Variants in RIF1 observed in about 807,000 individuals in gnomAD.
The protein encoded by RIF1 is telomere-associated protein RIF1.
In RIF1, 45 loss-of-function variants were observed where a neutral mutation model predicts 247.1. The observed-to-expected ratio is 0.18, with a 90% CI of 0.14 to 0.23. RIF1 has a LOEUF of 0.23. Ranked by LOEUF, RIF1 falls within the 10% of genes least tolerant of loss-of-function variation. RIF1 has a pLI of 1.00. For missense variants in RIF1, 2,967 were observed against 2,862.5 expected (o/e 1.04, Z -0.83); for synonymous variants, 1,087 against 978.8 (o/e 1.11, Z -2.06).
chr2:151,517,644 A>G, the RIF1 span, among the ~76,000 whole-genome samples: 1 of 152,190 alleles, frequency 6.6e-6, no homozygotes, highest in Non-Finnish European at 1.5e-5. Flanking sequence ...CCTAGGCTAT[A>G]TGGTATGGCC....
intron 16 of RIF1, among the ~76,000 whole-genome samples, chr2:151,442,832 C>T (rs991702475): frequency 6.0e-5 from 8 of 132,610 alleles, no homozygotes; most frequent in East Asian, 2.4e-4. Flanking sequence ...AGTGCAGTGG[C>T]GTGATCTCGG....
In RIF1 at chr2:151,464,971, A is replaced by G; in HGVS notation, c.5451A>G (p.Lys1817=). 1.3e-6 allele frequency: 2 copies of G among 1,574,118 alleles called. No homozygotes were observed. Among genetic ancestry groups the G allele is most frequent in the East Asian group, 4.5e-5 (2 of 44,742 alleles). ...ATTCATTAATTGTTTCTGAAACCAA[A>G]TCAAAAGAAAACACTATGCAAGAAT... is the stretch of plus-strand genomic sequence containing the variant. The part of the protein sequence containing the change: ...INDSLIVSET[K]SKENTMQESL... Residue 1817 remains lysine (K), a synonymous_variant, in exon 30 of 36, where the codon AAA becomes AAG. Transcript: ENST00000444746.
the RIF1 span, among the ~76,000 whole-genome samples, chr2:151,520,909 G>A: frequency 2.6e-5 from 4 of 152,130 alleles, no homozygotes; most frequent in Admixed American, 1.3e-4. Flanking sequence ...TCAACAGAAT[G>A]GAAAGTGACA....
At chr2:151,496,313 A>T in intron 10 of RIF1, 1 of 1,612,342 alleles carries the variant, frequency 6.2e-7, no homozygotes, top group Non-Finnish European at 8.5e-7. Flanking sequence ...GACTCGCTCC[A>T]TCTCGGGAGT....
chr2:151,526,838 T>C, the RIF1 span: 11 of 1,039,580 alleles, frequency 1.1e-5, no homozygotes, highest in East Asian at 1.3e-4. Flanking sequence ...TCTCCATCCT[T>C]CCCTGGTGTC....
intron 6 of RIF1, among the ~76,000 whole-genome samples, chr2:151,419,438 G>A (rs558689675): frequency 6.6e-6 from 1 of 152,030 alleles, no homozygotes; most frequent in East Asian, 1.9e-4. Flanking sequence ...CAATTCTCCT[G>A]CCTCAGCCTC....
rs149101385 is a variant in RIF1 at position 151,443,296 on chromosome 2, A to G, written c.1772A>G (p.Asn591Ser). The change falls in exon 17 of 36, where the codon AAC (asparagine) becomes AGC (serine). Residue 591 changes from asparagine (N) to serine (S), a missense_variant. Asn to Ser is a conservative substitution (Grantham distance 46). Transcript: ENST00000444746. ...TTGTTCTTAATTCAATTAATTTTCA[A>G]CAATTTCTTGGAATGTGGTGTATCA... ...PALFLIQLIF[N>S]NFLECGVSDE... 168 of 1,602,448 alleles carry G rather than the reference A, an allele frequency of 1.0e-4. No individual in the cohort carries two copies. Among genetic ancestry groups the G allele is most frequent in the Middle Eastern group, 1.6e-4 (1 of 6,066 alleles).
rs959917356 is a variant in RIF1, at chr2:151,489,125, G to T, written c.*415+5790G>T. On this transcript the variant is annotated intron_variant and NMD_transcript_variant, in intron 9 of 13. Coordinates refer to the RIF1 transcript ENST00000454583. ...TTTCAGGGAAAATTAGAACTTTACA[G>T]TATTCCCTTCCTTAAATATAATAGG... 3.3e-5 allele frequency among the ~76,000 whole-genome samples: 5 copies of T among 152,250 alleles called. No homozygotes were observed. In the South Asian group the frequency reaches 1.0e-3, roughly 32 times the overall value.
Position 151,420,481 on chromosome 2 carries a change from G to A in RIF1, c.693+102G>A, listed in dbSNP as rs1258246836. On this transcript the variant is annotated intron_variant, in intron 7 of 35. Transcript: ENST00000444746. ...TGGCCAGGTACGGTGGCTCTCACCTGTAGTCCCAAAGCGGGAGGCTGAGGT... is the reference window on the plus strand; with the variant it reads ...TGGCCAGGTACGGTGGCTCTCACCTATAGTCCCAAAGCGGGAGGCTGAGGT... 4.5e-6 allele frequency: 5 copies of A among 1,120,402 alleles called. No individual in the cohort carries two copies. In the African/African-American group the frequency reaches 4.7e-5, roughly 10 times the overall value. 69.4% of individuals were successfully genotyped at this position (1,120,402 alleles called of 1,614,324 possible).
At chr2:151,472,522 C>G (rs1417682978) in intron 34 of RIF1, among the ~76,000 whole-genome samples, 1 of 152,076 alleles carries the variant, frequency 6.6e-6, no homozygotes, top group Non-Finnish European at 1.5e-5. Flanking sequence ...ATAAATAGCT[C>G]TTATTATTTT....
At chr2:151,513,248 C>T in the RIF1 span, among the ~76,000 whole-genome samples, 2 of 152,182 alleles carry the variant, frequency 1.3e-5, no homozygotes, top group Non-Finnish European at 2.9e-5. Flanking sequence ...ATATTCTAAG[C>T]AAGGAATTCC....
At chr2:151,533,535 T>C in the RIF1 span, 1 of 1,550,284 alleles carries the variant, frequency 6.5e-7, no homozygotes, top group Non-Finnish European at 8.7e-7. Context: ...TGGCACTAGA[T>C]TTATATTTTC....
chr2:151,421,047 A>G (rs973230729), intron 7 of RIF1, among the ~76,000 whole-genome samples: 1 of 152,216 alleles, frequency 6.6e-6, no homozygotes, highest in Non-Finnish European at 1.5e-5. Flanking sequence ...CCTAGTCTCT[A>G]TAGTTTTCTA....
chr2:151,472,067 C>T (rs555459488), intron 34 of RIF1, among the ~76,000 whole-genome samples: 6,469 of 152,148 alleles, frequency 0.043, 187 homozygotes, highest in Middle Eastern at 0.14. Context: ...TTGTAGTTCT[C>T]CTTGAAGAGG....
chr2:151,430,311 G>A (rs1457172438), intron 9 of RIF1, among the ~76,000 whole-genome samples: 1 of 151,432 alleles, frequency 6.6e-6, no homozygotes, highest in Admixed American at 6.6e-5. Context: ...GTGAGGTACT[G>A]CGCCCGGCCT....
intron 20 of RIF1, among the ~76,000 whole-genome samples, chr2:151,450,029 CG>C (rs1285040246): frequency 2.0e-5 from 3 of 151,944 alleles, no homozygotes; most frequent in Admixed American, 2.0e-4. Flanking sequence ...TTAGTAGAGA[CG>C]GGGTTTCTCC....
Position 151,416,578 on chromosome 2 carries a change from T to C in RIF1, c.298T>C (p.Leu100=). 6.2e-7 allele frequency: 1 copy of C among 1,601,744 alleles called. No individual in the cohort carries two copies. Among genetic ancestry groups the C allele is most frequent in the African/African-American group, 1.3e-5 (1 of 74,298 alleles). Residue 100 remains leucine (L), a synonymous_variant, in exon 5 of 36, where the codon TTG becomes CTG. Transcript: ENST00000444746. ...TTTTTCAGAGGCAAATGCTCTAGAATTGCTTTCAAAATTGAATGATACCAT... is the reference window on the plus strand; with the variant it reads ...TTTTTCAGAGGCAAATGCTCTAGAACTGCTTTCAAAATTGAATGATACCAT... The part of the protein sequence containing the change: ...SELSEANALE[L]LSKLNDTIKN...
At position 151,463,495 on chromosome 2, in the gene RIF1, AAAT is replaced by A; in HGVS notation, c.3978_3980del (p.Asn1327del). ...CTGTTGAAGGCATTGTAGTCTTAGA[AAAT>A]AACCCACCTGGTTTGCTTAATCAAA... On this transcript the variant is annotated inframe_deletion, in exon 30 of 36. Transcript: ENST00000444746. The A allele has an allele frequency of 2.5e-6, 4 of 1,614,112 alleles. No individual in the cohort carries two copies. The highest frequency in any genetic ancestry group is 2.5e-6 in the Non-Finnish European group (3 of 1,179,978).
At chr2:151,422,004 G>A (rs1365383418) in intron 7 of RIF1, among the ~76,000 whole-genome samples, 2 of 151,522 alleles carry the variant, frequency 1.3e-5, no homozygotes, top group Non-Finnish European at 2.9e-5. Context: ...ACCGATATTT[G>A]TATTTTTAGT....
Sources: allele counts gnomAD v4.1 joint callset (sites outside exome capture counted in the v4.1 genomes callset), GRCh38; gene constraint gnomAD v4.1.1; transcripts MANE v1.5; gene names NCBI Gene and HGNC (gene_info 2026-07-23, HGNC 2026-07-21).